The following LRRIQ3 variants were observed in gnomAD, a reference collection of about 807,000 sequenced individuals.
LRRIQ3 encodes the protein leucine rich repeats and IQ motif containing 3.
A neutral mutation model predicts 59.3 loss-of-function variants in LRRIQ3; 75 were observed. The ratio of observed to expected loss-of-function variants is 1.26; its 90% confidence interval spans 1.05 to 1.53. The LOEUF (loss-of-function observed/expected upper bound fraction) is 1.53. Among genes scored for constraint, LRRIQ3 ranks in the 40% most tolerant of loss-of-function variants. LRRIQ3 has a pLI of 0.00. For missense variants in LRRIQ3, 831 were observed against 710.0 expected, an observed-to-expected ratio of 1.17 and a Z score of -1.94; for synonymous variants, 250 against 231.3, an observed-to-expected ratio of 1.08 and a Z score of -0.73.
intron 5 of LRRIQ3, among the ~76,000 whole-genome samples, chr1:74,107,043 A>T (rs1452690259): frequency 6.6e-6 from 1 of 151,940 alleles, no homozygotes; most frequent in African/African-American, 2.4e-5. Flanking sequence ...ATTTACAGTT[A>T]GTTCTTGCTC....
chr1:74,137,285 T>A (rs908200553), intron 4 of LRRIQ3, among the ~76,000 whole-genome samples: 1 of 151,924 alleles, frequency 6.6e-6, no homozygotes, highest in African/African-American at 2.4e-5. Flanking sequence ...TAAAAATAGA[T>A]ATGAACAGAC....
At chr1:74,141,089 A>G (rs567622844) in intron 4 of LRRIQ3, among the ~76,000 whole-genome samples, 1 of 151,810 alleles carries the variant, frequency 6.6e-6, no homozygotes, top group Non-Finnish European at 1.5e-5. Context: ...GTATAATTGA[A>G]CTATTATCTT....
intron 5 of LRRIQ3, chr1:74,082,994 C>T (rs916928011): frequency 6.6e-6 from 1 of 151,594 alleles, no homozygotes; most frequent in Non-Finnish European, 1.5e-5. Flanking sequence ...AAATGACTGT[C>T]TCATATGAAG....
At chr1:74,029,640 G>T (rs1250002430) in intron 7 of LRRIQ3, among the ~76,000 whole-genome samples, 4 of 152,032 alleles carry the variant, frequency 2.6e-5, no homozygotes, top group African/African-American at 9.7e-5. Context: ...GTTCACCAGG[G>T]ATATTGGTCT....
At chr1:74,118,089 C>A (rs962818756) in intron 4 of LRRIQ3, among the ~76,000 whole-genome samples, 4 of 151,618 alleles carry the variant, frequency 2.6e-5, no homozygotes, top group Non-Finnish European at 5.9e-5. Context: ...TGGAACCAAC[C>A]CTATTAGAAA....
chr1:74,174,785 A>G (rs1649539149), intron 3 of LRRIQ3, among the ~76,000 whole-genome samples: 1 of 151,420 alleles, frequency 6.6e-6, no homozygotes, highest in African/African-American at 2.4e-5. Flanking sequence ...TGTTTTTCTG[A>G]TTTCATTTAG....
intron 6 of LRRIQ3, among the ~76,000 whole-genome samples, chr1:74,055,502 C>A (rs544455807): frequency 2.6e-5 from 4 of 152,140 alleles, no homozygotes; most frequent in Admixed American, 1.3e-4. Context: ...AAGAATCATC[C>A]ATGTTGTAAC....
chr1:74,178,469 TA>T (rs1358879797), intron 3 of LRRIQ3, among the ~76,000 whole-genome samples: 1 of 152,182 alleles, frequency 6.6e-6, no homozygotes, highest in African/African-American at 2.4e-5. Context: ...AATTTACTTT[TA>T]AATAGTTTTT....
At chr1:74,193,307 A>G (rs1345750948) in intron 1 of LRRIQ3, among the ~76,000 whole-genome samples, 1 of 152,188 alleles carries the variant, frequency 6.6e-6, no homozygotes, top group Non-Finnish European at 1.5e-5. Flanking sequence ...AGTTTCAAAG[A>G]AATTCTGCAG....
rs1466893193 is a variant in LRRIQ3 at position 74,091,474 on chromosome 1, T to C, written c.868-16684A>G. On this transcript the variant is annotated intron_variant, in intron 5 of 7. Transcript: ENST00000354431. ...ATTTTTCAATAAAGAATGAACAATT[T>C]TGATATATCTGCAGGAAAGAACAAA... is the stretch of plus-strand genomic sequence containing the variant. 2.0e-5 allele frequency among the ~76,000 whole-genome samples: 3 copies of C among 152,110 alleles called. No individual in the cohort carries two copies. In the East Asian group the frequency reaches 5.8e-4, roughly 29 times the overall value.
At position 74,158,697 on chromosome 1, in the gene LRRIQ3, C is replaced by A. The variant is rs564064723; in HGVS notation, c.574-2831G>T. Among the ~76,000 whole-genome samples the A allele has an allele frequency of 1.6e-3, 244 of 152,208 alleles. 1 individual carries two copies. The highest frequency in any genetic ancestry group is 2.7e-3 in the Non-Finnish European group (182 of 68,008). On this transcript the variant is annotated intron_variant, in intron 3 of 7. Transcript: ENST00000354431. Reference sequence around the variant, plus strand: ...TGAAAGTTAAGAAATCTCCTCAGTCCTTTGTTTCAGGAAATGGCTTACTGA... The same window carrying A: ...TGAAAGTTAAGAAATCTCCTCAGTCATTTGTTTCAGGAAATGGCTTACTGA...
At chr1:74,160,723 T>G (rs1421588188) in intron 3 of LRRIQ3, among the ~76,000 whole-genome samples, 6 of 152,162 alleles carry the variant, frequency 3.9e-5, no homozygotes, top group African/African-American at 1.4e-4. Flanking sequence ...TCTAAGTTCT[T>G]TTCTGAAGCT....
At position 74,159,009 on chromosome 1, in the gene LRRIQ3, C is replaced by T. The variant is rs193295436; in HGVS notation, c.574-3143G>A. Among the ~76,000 whole-genome samples, 15 of 152,218 alleles carry T rather than the reference C, an allele frequency of 9.9e-5. No homozygotes were observed. The East Asian group carries it at 2.7e-3, about 28-fold the overall frequency. On this transcript the variant is annotated intron_variant, in intron 3 of 7. Coordinates refer to ENST00000354431, the MANE Select transcript of LRRIQ3 (RefSeq NM_001105659.2). Reference sequence around the variant, plus strand: ...GCCCCTCTTAAGAATAGGTTTTTCTCAGGGTAAAACAGTCTGTGCTCTAAG... The same window carrying T: ...GCCCCTCTTAAGAATAGGTTTTTCTTAGGGTAAAACAGTCTGTGCTCTAAG...
chr1:74,076,273 C>A (rs1439244033), intron 5 of LRRIQ3, among the ~76,000 whole-genome samples: 2 of 152,088 alleles, frequency 1.3e-5, no homozygotes, highest in African/African-American at 4.8e-5. Context: ...TTTCTGAGAT[C>A]TTTGGTTTTG....
At chr1:74,067,371 TG>T (rs1158164036) in intron 6 of LRRIQ3, among the ~76,000 whole-genome samples, 1 of 152,138 alleles carries the variant, frequency 6.6e-6, no homozygotes, top group East Asian at 1.9e-4. Flanking sequence ...TCCCTGATTC[TG>T]CTTTCCGTGT....
At chr1:74,115,701 C>G (rs888918815) in intron 4 of LRRIQ3, among the ~76,000 whole-genome samples, 2 of 151,982 alleles carry the variant, frequency 1.3e-5, no homozygotes, top group Non-Finnish European at 2.9e-5. Flanking sequence ...CAGATTTACT[C>G]TAATTTTCCA....
intron 6 of LRRIQ3, among the ~76,000 whole-genome samples, chr1:74,042,981 T>C (rs904453587): frequency 6.6e-6 from 1 of 152,100 alleles, no homozygotes; most frequent in Non-Finnish European, 1.5e-5. Context: ...AAACTTCTCA[T>C]GGACCAGAAT....
At chr1:74,034,740 G>C (rs1472207700) in intron 7 of LRRIQ3, among the ~76,000 whole-genome samples, 1 of 151,624 alleles carries the variant, frequency 6.6e-6, no homozygotes, top group Non-Finnish European at 1.5e-5. Context: ...ACGTAATAAA[G>C]TATTACATAA....
At chr1:74,095,518 G>C (rs571935994) in intron 5 of LRRIQ3, among the ~76,000 whole-genome samples, 3 of 152,190 alleles carry the variant, frequency 2.0e-5, no homozygotes, top group Non-Finnish European at 2.9e-5. Flanking sequence ...CATATGTGTT[G>C]TGAACTATTA....
Sources: allele counts gnomAD v4.1 joint callset (sites outside exome capture counted in the v4.1 genomes callset), GRCh38; gene constraint gnomAD v4.1.1; transcripts MANE v1.5; gene names NCBI Gene and HGNC (gene_info 2026-07-23, HGNC 2026-07-21).